EMC2: variants seen among roughly 807,000 people sequenced by gnomAD.
EMC2 encodes the protein TPR repeat protein 35.
A neutral mutation model predicts 51.6 loss-of-function variants in EMC2; 37 were observed. That is an observed-to-expected ratio of 0.72 (90% CI 0.55 to 0.94). The LOEUF (loss-of-function observed/expected upper bound fraction) is 0.94. Among genes scored for constraint, EMC2 ranks in the 40% least tolerant of loss-of-function variants. EMC2 has a pLI of 0.00. For synonymous variants in EMC2, 131 were observed against 112.4 expected, an observed-to-expected ratio of 1.17 and a Z score of -1.04; for missense variants, 359 against 350.9, an observed-to-expected ratio of 1.02 and a Z score of -0.18.
chr8:108,446,300 A>G (rs1818876799), intron 1 of EMC2: 1 of 431,410 alleles, frequency 2.3e-6, no homozygotes, highest in South Asian at 1.7e-5. Flanking sequence ...GCCTCAAAGA[A>G]GGTAGGAATC....
intron 5 of EMC2, among the ~76,000 whole-genome samples, chr8:108,464,385 T>G (rs959897273): frequency 6.6e-6 from 1 of 152,184 alleles, no homozygotes; most frequent in African/African-American, 2.4e-5. Context: ...CCAGCCTGCT[T>G]GTGCCCATTG....
chr8:108,486,473 T>A, intron 10 of EMC2, 39 bp from the exon 11 acceptor site: 2 of 1,490,274 alleles, frequency 1.3e-6, no homozygotes, highest in Non-Finnish European at 1.8e-6. Flanking sequence ...GCCACTGAAA[T>A]TGAGCCTAAT....
At chr8:108,474,383 T>G (rs952831340) in intron 7 of EMC2, 4 of 151,980 alleles carry the variant, frequency 2.6e-5, no homozygotes, top group African/African-American at 9.7e-5. Context: ...TTCCCTTTTC[T>G]TTTCGAGTGA....
intron 5 of EMC2, among the ~76,000 whole-genome samples, chr8:108,457,047 G>A (rs1211049201): frequency 1.3e-5 from 2 of 152,048 alleles, no homozygotes; most frequent in Non-Finnish European, 2.9e-5. Context: ...TAGATTTTAA[G>A]ATGTAAAATG....
chr8:108,459,794 G>T (rs907841809), intron 5 of EMC2, among the ~76,000 whole-genome samples: 1 of 151,548 alleles, frequency 6.6e-6, no homozygotes, highest in African/African-American at 2.4e-5. Flanking sequence ...TCATTATTTT[G>T]TGAAGATTCT....
chr8:108,461,336 T>A (rs1375752075), intron 5 of EMC2, among the ~76,000 whole-genome samples: 1 of 152,256 alleles, frequency 6.6e-6, no homozygotes, highest in Non-Finnish European at 1.5e-5. Context: ...TTGTTATGCT[T>A]GCAGTGTGCA....
intron 5 of EMC2, among the ~76,000 whole-genome samples, chr8:108,465,861 A>G (rs1819452916): frequency 6.6e-6 from 1 of 152,216 alleles, no homozygotes; most frequent in South Asian, 2.1e-4. Context: ...TAAAAGAACA[A>G]CTTATATGGT....
At chr8:108,471,465 A>C (rs925875247) in intron 7 of EMC2, among the ~76,000 whole-genome samples, 4 of 151,930 alleles carry the variant, frequency 2.6e-5, no homozygotes, top group African/African-American at 9.7e-5. Context: ...ACAGTAAAGC[A>C]TAAAGACCAA....
chr8:108,445,315 G>T (rs540718370), intron 1 of EMC2, among the ~76,000 whole-genome samples: 1 of 152,202 alleles, frequency 6.6e-6, no homozygotes, highest in Non-Finnish European at 1.5e-5. Context: ...TCCTCTGTAT[G>T]ATCTGGCGGT....
At chr8:108,466,307 T>C (rs6469188) in intron 5 of EMC2, among the ~76,000 whole-genome samples, 103,980 of 152,000 alleles carry the variant, frequency 0.68, 36,132 homozygotes, top group African/African-American at 0.81. Flanking sequence ...TTTTATTATT[T>C]AAATTTAGTC....
At chr8:108,451,250 A>G (rs1037008249) in intron 3 of EMC2, among the ~76,000 whole-genome samples, 2 of 152,144 alleles carry the variant, frequency 1.3e-5, no homozygotes, top group African/African-American at 4.8e-5. Flanking sequence ...TGCTTTTAAA[A>G]TAACACTGTA....
At chr8:108,474,833 C>CT (rs1414674503) in intron 7 of EMC2, 5 of 151,916 alleles carry the variant, frequency 3.3e-5, no homozygotes, top group African/African-American at 1.2e-4. Flanking sequence ...ATTCTCAGCT[C>CT]TAGCATGTTG....
intron 5 of EMC2, among the ~76,000 whole-genome samples, chr8:108,456,725 T>G (rs1819171319): frequency 6.6e-6 from 1 of 152,206 alleles, no homozygotes; most frequent in African/African-American, 2.4e-5. Context: ...TTTTTGATGT[T>G]GAGAACATTA....
At chr8:108,453,286 A>G in intron 4 of EMC2, 139 bp downstream of exon 4, 1 of 463,366 alleles carries the variant, frequency 2.2e-6, no homozygotes, top group Non-Finnish European at 3.9e-6. Flanking sequence ...TTGATGACTA[A>G]TGAGGTTGAA....
At chr8:108,449,142 C>T (rs1586174326) in intron 1 of EMC2, among the ~76,000 whole-genome samples, 1 of 152,286 alleles carries the variant, frequency 6.6e-6, no homozygotes, top group East Asian at 1.9e-4. Flanking sequence ...AGACAGGGGT[C>T]TTGCTCTGTT....
chr8:108,484,157 T>C (rs899112481), intron 10 of EMC2, among the ~76,000 whole-genome samples: 10 of 152,112 alleles, frequency 6.6e-5, no homozygotes, highest in Non-Finnish European at 1.3e-4. Context: ...TCCAGATAAA[T>C]CCTTCTTTGT....
At chr8:108,464,822 TG>T (rs1819429452) in intron 5 of EMC2, among the ~76,000 whole-genome samples, 2 of 152,164 alleles carry the variant, frequency 1.3e-5, no homozygotes, top group Non-Finnish European at 2.9e-5. Flanking sequence ...AAACGGTAAA[TG>T]TGTAAGACCA....
chr8:108,464,805 GT>G (rs1819428665), intron 5 of EMC2, among the ~76,000 whole-genome samples: 2 of 152,214 alleles, frequency 1.3e-5, no homozygotes, highest in African/African-American at 4.8e-5. Flanking sequence ...AGTCAGACGT[GT>G]TCCGTAAACG....
intron 1 of EMC2, among the ~76,000 whole-genome samples, chr8:108,444,439 T>C (rs1205119005): frequency 6.6e-6 from 1 of 152,130 alleles, no homozygotes; most frequent in African/African-American, 2.4e-5. Context: ...AGCCAAACCT[T>C]GGATCAATTC....
Sources: gnomAD v4.1 joint callset for allele counts (sites outside exome capture counted in the v4.1 genomes callset) on GRCh38, gnomAD v4.1.1 for gene constraint, MANE v1.5 for transcripts, NCBI Gene and HGNC (gene_info 2026-07-23, HGNC 2026-07-21) for gene names.